Variants in MYO18B observed in about 807,000 individuals in gnomAD.
The protein encoded by MYO18B is myosin XVIIIB, also known as unconventional myosin-XVIIIb.
Under a neutral mutation model 273.0 loss-of-function variants are expected in MYO18B, and 204 were observed. The ratio of observed to expected loss-of-function variants is 0.75; its 90% confidence interval spans 0.67 to 0.84. The LOEUF (loss-of-function observed/expected upper bound fraction) is 0.84, where lower values mean the gene tolerates loss of function less well. Among genes scored for constraint, MYO18B ranks in the 40% least tolerant of loss-of-function variants. The probability of loss-of-function intolerance (pLI) is 0.00; values close to 1 mark genes in which losing one functional copy is unlikely to be tolerated. For synonymous variants in MYO18B, 1,330 were observed against 1,305.7 expected, an observed-to-expected ratio of 1.02 and a Z score of -0.40; for missense variants, 3,212 against 3,287.6, an observed-to-expected ratio of 0.98 and a Z score of 0.56.
At chr22:25,909,328 C>T (rs1026460322) in intron 32 of MYO18B, among the ~76,000 whole-genome samples, 2 of 152,148 alleles carry the variant, frequency 1.3e-5, no homozygotes, top group Non-Finnish European at 2.9e-5. Context: ...CTCAATTTTG[C>T]CTTGCTTGAT....
At chr22:26,021,294 A>G (rs374154528) in intron 42 of MYO18B, among the ~76,000 whole-genome samples, 3 of 152,216 alleles carry the variant, frequency 2.0e-5, no homozygotes, top group African/African-American at 7.2e-5. Flanking sequence ...CAGCATTTTC[A>G]TATAAATACC....
At chr22:25,786,366 T>C (rs2087388429) in intron 11 of MYO18B, among the ~76,000 whole-genome samples, 1 of 152,176 alleles carries the variant, frequency 6.6e-6, no homozygotes, top group African/African-American at 2.4e-5. Flanking sequence ...ACATTTGGCC[T>C]GGGTTTTGAA....
chr22:25,758,614 CT>C (rs1216844753), intron 1 of MYO18B, among the ~76,000 whole-genome samples: 1 of 152,072 alleles, frequency 6.6e-6, no homozygotes, highest in African/African-American at 2.4e-5. Context: ...TGACCAAATA[CT>C]TTATGATTCC....
chr22:25,846,303 C>T lies in MYO18B; in HGVS notation c.3552+20C>T. On this transcript the variant is annotated intron_variant, in intron 19 of 43. Coordinates refer to ENST00000335473, the MANE Select transcript of MYO18B (RefSeq NM_032608.7). ...CAGATGGTGAGTGGGCACCCTGTCT[C>T]ATGGTGTCCTGGCCTTCACTGCCTC... 1.2e-6 allele frequency: 2 copies of T among 1,608,818 alleles called. No individual in the cohort carries two copies. Among genetic ancestry groups the T allele is most frequent in the Middle Eastern group, 2.2e-4 (1 of 4,558 alleles).
Position 26,027,572 on chromosome 22 carries a change from T to A in MYO18B, c.7598T>A (p.Leu2533His), listed in dbSNP as rs1936358070. 2 of 1,613,780 alleles carry A rather than the reference T, an allele frequency of 1.2e-6. No homozygotes were observed. The highest frequency in any genetic ancestry group is 1.7e-6 in the Non-Finnish European group (2 of 1,179,886). The part of the protein sequence containing the change: ...SIKSRPGIPR[L>H]AGDGGERTSP... ...AAAAGTCGACCAGGAATCCCACGACTTGCGGGTGACGGTGGCGAGCGAACG... is the reference window on the plus strand; with the variant it reads ...AAAAGTCGACCAGGAATCCCACGACATGCGGGTGACGGTGGCGAGCGAACG... Residue 2533 changes from leucine (L) to histidine (H), a missense_variant, in exon 43 of 44, where the codon CTT becomes CAT. Physicochemically the swap from Leu to His is moderately conservative, Grantham distance 99. Coordinates refer to ENST00000335473, the MANE Select transcript of MYO18B (RefSeq NM_032608.7). The surrounding 1 kb of genome is among the most constrained non-coding windows in gnomAD (Gnocchi z 4.1).
intron 17 of MYO18B, among the ~76,000 whole-genome samples, chr22:25,835,943 C>A (rs1311976107): frequency 6.6e-6 from 1 of 152,156 alleles, no homozygotes; most frequent in Non-Finnish European, 1.5e-5. Context: ...GGATTCCAGG[C>A]AGTGGGAGGC....
At chr22:25,783,659 C>G (rs1429496966) in intron 10 of MYO18B, among the ~76,000 whole-genome samples, 2 of 152,186 alleles carry the variant, frequency 1.3e-5, no homozygotes, top group Non-Finnish European at 2.9e-5. Context: ...GGATGAGGCT[C>G]AACTGTGGCT....
At chr22:25,795,275 T>C (rs1320571679) in intron 11 of MYO18B, among the ~76,000 whole-genome samples, 1 of 152,238 alleles carries the variant, frequency 6.6e-6, no homozygotes, top group Non-Finnish European at 1.5e-5. Flanking sequence ...TGCAGAGGTG[T>C]TTGAAGAACA....
chr22:25,902,500 C>T, intron 29 of MYO18B, 113 bp from the exon 30 acceptor site: 5 of 1,236,502 alleles, frequency 4.0e-6, no homozygotes, highest in Non-Finnish European at 5.5e-6. Flanking sequence ...TGCTCTCTTT[C>T]TAATGGTTCT....
intron 1 of MYO18B, among the ~76,000 whole-genome samples, chr22:25,757,768 C>T (rs534576249): frequency 7.2e-5 from 11 of 152,106 alleles, no homozygotes; most frequent in African/African-American, 2.4e-4. Context: ...CACTCAAGAC[C>T]GCTTCTACTA....
At chr22:25,869,922 C>T (rs999643409) in intron 22 of MYO18B, among the ~76,000 whole-genome samples, 1 of 152,206 alleles carries the variant, frequency 6.6e-6, no homozygotes, top group African/African-American at 2.4e-5. Context: ...GTCTTTGAAG[C>T]CTTTTTCAAT....
chr22:25,781,661 TG>T, intron 9 of MYO18B, 72 bp from the exon 10 acceptor site: 1 of 936,718 alleles, frequency 1.1e-6, no homozygotes, highest in Non-Finnish European at 1.5e-6. Flanking sequence ...ATGGGGCTTC[TG>T]GGTAGCTGCA....
chr22:26,017,879 CTTA>C (rs1935487636), intron 42 of MYO18B, among the ~76,000 whole-genome samples: 2 of 150,546 alleles, frequency 1.3e-5, no homozygotes, highest in South Asian at 4.2e-4. Flanking sequence ...TTCTGTTTTT[CTTA>C]TTATTAACAT....
At chr22:25,757,057 T>C (rs1261807724) in intron 1 of MYO18B, among the ~76,000 whole-genome samples, 4 of 151,938 alleles carry the variant, frequency 2.6e-5, no homozygotes, top group African/African-American at 7.3e-5. Context: ...CAGGACTGTC[T>C]CAAAAGAAAA....
intron 22 of MYO18B, among the ~76,000 whole-genome samples, chr22:25,872,650 T>TCG (rs1326894200): frequency 1.3e-5 from 2 of 151,814 alleles, no homozygotes; most frequent in African/African-American, 4.9e-5. Context: ...TTGTAAAGGA[T>TCG]CGTGGGCCAA....
intron 21 of MYO18B, among the ~76,000 whole-genome samples, chr22:25,857,589 G>A (rs192308987): frequency 1.6e-4 from 24 of 152,246 alleles, no homozygotes; most frequent in African/African-American, 5.3e-4. Context: ...CACCACCTTC[G>A]CTCCTGAAAT....
chr22:25,812,666 G>A (rs922352778), intron 12 of MYO18B, among the ~76,000 whole-genome samples: 2 of 152,176 alleles, frequency 1.3e-5, no homozygotes, highest in African/African-American at 4.8e-5. Flanking sequence ...ACTTGCCAGG[G>A]CTCTGCCAGT....
chr22:25,826,284 A>G, intron 13 of MYO18B, 125 bp from the exon 14 acceptor site: 2 of 644,800 alleles, frequency 3.1e-6, no homozygotes, highest in Non-Finnish European at 5.3e-6. Flanking sequence ...TAATTTTAGC[A>G]GTGGAGGGAT....
At position 25,952,352 on chromosome 22, in the gene MYO18B, A is replaced by C; in HGVS notation, c.5899A>C (p.Arg1967=). ...QSTVDRAIVS[R]QEAVICDLEN... Reference sequence around the variant, plus strand: ...CACCGTGGATCGAGCCATCGTCAGCAGGCAGGAGGCGGTCATCTGTGACCT... The same window carrying C: ...CACCGTGGATCGAGCCATCGTCAGCCGGCAGGAGGCGGTCATCTGTGACCT... The change falls in exon 38 of 44, where the codon AGG becomes CGG. Residue 1967 remains arginine (R), a synonymous_variant. Coordinates refer to ENST00000335473, the MANE Select transcript of MYO18B (RefSeq NM_032608.7). 1 of 1,612,654 alleles carries C rather than the reference A, an allele frequency of 6.2e-7. No homozygotes were observed. Among genetic ancestry groups the C allele is most frequent in the Non-Finnish European group, 8.5e-7 (1 of 1,179,398 alleles).
Sources: allele counts gnomAD v4.1 joint callset (sites outside exome capture counted in the v4.1 genomes callset), GRCh38; gene constraint gnomAD v4.1.1; non-coding constraint Gnocchi (gnomAD v3.1); transcripts MANE v1.5; gene names NCBI Gene and HGNC (gene_info 2026-07-23, HGNC 2026-07-21).